ARMC8: variants seen among roughly 807,000 people sequenced by gnomAD.
The protein encoded by ARMC8 is armadillo repeat-containing protein 8.
Under a neutral mutation model 99.3 loss-of-function variants are expected in ARMC8, and 20 were observed. The observed-to-expected ratio is 0.20, with a 90% CI of 0.14 to 0.29. ARMC8 has a LOEUF of 0.29. Among genes scored for constraint, ARMC8 ranks in the 10% least tolerant of loss-of-function variants. The pLI is 1.00. For missense variants in ARMC8, 569 were observed against 809.5 expected, an observed-to-expected ratio of 0.70 and a Z score of 3.60; for synonymous variants, 263 against 278.3, an observed-to-expected ratio of 0.95 and a Z score of 0.55.
At chr3:138,269,195 A>C (rs1417189454) in intron 15 of ARMC8, among the ~76,000 whole-genome samples, 1 of 152,216 alleles carries the variant, frequency 6.6e-6, no homozygotes, top group Non-Finnish European at 1.5e-5. Flanking sequence ...TTTCAAAATA[A>C]GTTTTTAAAA....
chr3:138,252,436 T>G (rs191837552), intron 12 of ARMC8, among the ~76,000 whole-genome samples: 47 of 151,018 alleles, frequency 3.1e-4, no homozygotes, highest in Admixed American at 3.0e-3. Context: ...TAATACTGCA[T>G]AGCTAACCAT....
intron 6 of ARMC8, among the ~76,000 whole-genome samples, chr3:138,230,225 A>G (rs1206983539): frequency 6.6e-6 from 1 of 152,202 alleles, no homozygotes; most frequent in Non-Finnish European, 1.5e-5. Context: ...AGAAAATGAC[A>G]GTTTTGTTGC....
At chr3:138,273,277 CGTAGGT>C (rs1358018909) in intron 17 of ARMC8, among the ~76,000 whole-genome samples, 161 bp downstream of exon 17, 1 of 152,206 alleles carries the variant, frequency 6.6e-6, no homozygotes, top group Non-Finnish European at 1.5e-5. Context: ...CTGTCACCTT[CGTAGGT>C]GTTCTGGGAG....
chr3:138,187,518 C>G lies in ARMC8; in HGVS notation c.-37C>G, dbSNP rs1426245170. The G allele has an allele frequency of 2.0e-6, 3 of 1,534,520 alleles. No individual in the cohort carries two copies. The highest frequency in any genetic ancestry group is 2.0e-5 in the Admixed American group (1 of 50,954). On this transcript the variant is annotated 5_prime_UTR_variant, in exon 1 of 22. Transcript: ENST00000469044. ...TGGCTGTCGAAAGTGCCGGCCCCCG[C>G]GCCGGCGCCTGCAGCAGCCGGGTGG...
intron 2 of ARMC8, among the ~76,000 whole-genome samples, chr3:138,220,030 C>T (rs1406107039): frequency 6.6e-6 from 1 of 152,160 alleles, no homozygotes. Flanking sequence ...CAGAATGGCA[C>T]TTAGCCTACA....
Position 138,228,937 on chromosome 3 carries a change from A to T in ARMC8, c.455A>T (p.His152Leu). ...LLYTDATVIP[H>L]LMALLSRSRY... is the part of the protein sequence containing the mutation. The stretch of plus-strand genomic sequence containing the variant: ...CCCTAGGATGCCACAGTGATACCAC[A>T]CCTCATGGCACTGCTTAGCAGGTCC... Residue 152 changes from histidine (H) to leucine (L), a missense_variant, in exon 6 of 22, where the codon CAC becomes CTC. His to Leu is a moderately conservative substitution (Grantham distance 99). Transcript: ENST00000469044. 6.2e-7 allele frequency: 1 copy of T among 1,608,282 alleles called. No homozygotes were observed. Among genetic ancestry groups the T allele is most frequent in the Non-Finnish European group, 8.5e-7 (1 of 1,176,622 alleles).
At chr3:138,250,051 G>A (rs1029687196) in intron 12 of ARMC8, among the ~76,000 whole-genome samples, 1 of 152,130 alleles carries the variant, frequency 6.6e-6, no homozygotes, top group Admixed American at 6.6e-5. Flanking sequence ...AAAAAAAGTT[G>A]TCCAATCACA....
At chr3:138,205,060 C>CTTTTTTTTTTTTTTTT (rs71146118) in intron 1 of ARMC8, among the ~76,000 whole-genome samples, 14 of 93,222 alleles carry the variant, frequency 1.5e-4, no homozygotes, top group African/African-American at 3.5e-4. Flanking sequence ...CTTTTCTTTT[C>CTTTTTTTTTTTTTTTT]TTTTTTTTTT....
intron 12 of ARMC8, among the ~76,000 whole-genome samples, chr3:138,249,654 TAG>T (rs1469118347): frequency 1.3e-5 from 2 of 152,132 alleles, no homozygotes; most frequent in Non-Finnish European, 2.9e-5. Flanking sequence ...TTTTTCCAAT[TAG>T]TGTCTGATTT....
chr3:138,204,753 A>G (rs1358174267), intron 1 of ARMC8, among the ~76,000 whole-genome samples: 1 of 152,074 alleles, frequency 6.6e-6, no homozygotes, highest in South Asian at 2.1e-4. Context: ...TTCACTCTAC[A>G]CTGGCTGCTT....
At chr3:138,284,573 T>TTG in intron 19 of ARMC8, 47 bp downstream of exon 19, 4 of 1,368,534 alleles carry the variant, frequency 2.9e-6, no homozygotes, top group Non-Finnish European at 4.2e-6. Context: ...GCAGGGACTG[T>TTG]TGCATTTTTA....
chr3:138,238,627 A>G (rs2046452048), intron 9 of ARMC8: 1 of 152,172 alleles, frequency 6.6e-6, no homozygotes, highest in African/African-American at 2.4e-5. Context: ...TGCCTCTGTC[A>G]GTAAGGTAAT....
At chr3:138,222,756 A>G (rs1576661920) in intron 3 of ARMC8, among the ~76,000 whole-genome samples, 1 of 152,324 alleles carries the variant, frequency 6.6e-6, no homozygotes, top group East Asian at 1.9e-4. Context: ...GGTATATATA[A>G]ATAGTGCTTT....
At chr3:138,282,120 T>G (rs1198505201) in intron 18 of ARMC8, among the ~76,000 whole-genome samples, 1 of 152,220 alleles carries the variant, frequency 6.6e-6, no homozygotes, top group Admixed American at 6.5e-5. Flanking sequence ...GCATTTTGGT[T>G]TTGTCTTAGT....
At chr3:138,223,850 A>G (rs1442504845) in intron 5 of ARMC8, 117 bp downstream of exon 5, 1 of 844,172 alleles carries the variant, frequency 1.2e-6, no homozygotes, top group Non-Finnish European at 1.9e-6. Flanking sequence ...TCAGTTGGTC[A>G]TGGTGGCTCA....
At chr3:138,213,702 A>G (rs776674346) in intron 2 of ARMC8, among the ~76,000 whole-genome samples, 1 of 152,218 alleles carries the variant, frequency 6.6e-6, no homozygotes, top group Non-Finnish European at 1.5e-5. Context: ...TTATTTTAGT[A>G]TTGGTTCAAC....
chr3:138,236,356 A>G (rs914287837), intron 7 of ARMC8, among the ~76,000 whole-genome samples: 1 of 152,150 alleles, frequency 6.6e-6, no homozygotes, highest in African/African-American at 2.4e-5. Flanking sequence ...GTGGCTGTTT[A>G]TTGTTCCTTT....
At chr3:138,287,635 G>C (rs2050558278) in intron 19 of ARMC8, 2 of 456,530 alleles carry the variant, frequency 4.4e-6, no homozygotes, top group South Asian at 3.1e-5. Context: ...TCTTAAGGGA[G>C]CCCAAACTGG....
At chr3:138,291,450 T>C (rs1577060946) in intron 21 of ARMC8, among the ~76,000 whole-genome samples, 2 of 152,206 alleles carry the variant, frequency 1.3e-5, no homozygotes, top group African/African-American at 2.4e-5. Flanking sequence ...TCATCAGATA[T>C]CTCTTTTGAA....
Sources: allele counts gnomAD v4.1 joint callset (sites outside exome capture counted in the v4.1 genomes callset), GRCh38; gene constraint gnomAD v4.1.1; transcripts MANE v1.5; gene names NCBI Gene and HGNC (gene_info 2026-07-23, HGNC 2026-07-21).